Variants in PCGF3 observed in about 807,000 individuals in gnomAD.
PCGF3 encodes polycomb group RING finger protein 3.
PCGF3 carries 7 observed loss-of-function variants against 33.1 expected under a neutral mutation model. That is an observed-to-expected ratio of 0.21 (90% confidence interval 0.12 to 0.40). The LOEUF (loss-of-function observed/expected upper bound fraction) is 0.40, where lower values mean the gene tolerates loss of function less well. PCGF3 is among the 10% of genes least tolerant of loss of function. The pLI, the probability that PCGF3 is intolerant of heterozygous loss-of-function variation, is 1.00. For synonymous variants in PCGF3, 153 were observed against 121.3 expected (o/e 1.26, Z -1.72); for missense variants, 211 against 313.3 (o/e 0.67, Z 2.46).
At chr4:759,903 G>A (rs1280128373) in intron 8 of PCGF3, among the ~76,000 whole-genome samples, 1 of 139,044 alleles carries the variant, frequency 7.2e-6, no homozygotes, top group Non-Finnish European at 1.6e-5. Flanking sequence ...CTCCCCGCGC[G>A]GCCCCTCTCC....
chr4:756,087 G>C (rs553972266), intron 8 of PCGF3, among the ~76,000 whole-genome samples: 27 of 151,120 alleles, frequency 1.8e-4, no homozygotes, highest in Admixed American at 4.0e-4. Context: ...CTAATTTTTT[G>C]TATTTTTAGT....
chr4:710,312 C>T (rs1310979152), intron 1 of PCGF3, among the ~76,000 whole-genome samples: 11 of 152,192 alleles, frequency 7.2e-5, no homozygotes, highest in South Asian at 4.1e-4. Context: ...AGGGCAGCTC[C>T]GAGGGAGCCC....
At chr4:710,558 TTGC>T (rs1742520605) in intron 1 of PCGF3, among the ~76,000 whole-genome samples, 1 of 152,232 alleles carries the variant, frequency 6.6e-6, no homozygotes, top group South Asian at 2.1e-4. Context: ...AAATCAGCGA[TTGC>T]GTGTGGAGTG....
intron 1 of PCGF3, among the ~76,000 whole-genome samples, chr4:716,675 T>A (rs1742862336): frequency 1.5e-5 from 2 of 129,256 alleles, no homozygotes; most frequent in African/African-American, 6.1e-5. Context: ...TGGGACCCTG[T>A]AGACACTGTG....
chr4:767,875 T>C (rs1369617402), exon 11 of PCGF3: 4 of 152,672 alleles, frequency 2.6e-5, no homozygotes, highest in Admixed American at 2.6e-4. Flanking sequence ...AAAATACACA[T>C]ACTGCTGAAG....
chr4:761,177 G>A, intron 8 of PCGF3, 102 bp from the exon 9 acceptor site: 2 of 881,682 alleles, frequency 2.3e-6, no homozygotes, highest in South Asian at 2.7e-5. Context: ...AAAAAGGTCA[G>A]CAGTCCTAGA....
At chr4:718,478 A>G (rs963804552) in intron 1 of PCGF3, among the ~76,000 whole-genome samples, 1 of 152,170 alleles carries the variant, frequency 6.6e-6, no homozygotes, top group Non-Finnish European at 1.5e-5. Flanking sequence ...ATATTTGTAT[A>G]AACACTTAAT....
At chr4:758,363 C>A (rs1259686322) in intron 8 of PCGF3, among the ~76,000 whole-genome samples, 1 of 146,174 alleles carries the variant, frequency 6.8e-6, no homozygotes, top group Non-Finnish European at 1.5e-5. Context: ...AGGTCTTTCT[C>A]CCCTCGAGGC....
chr4:758,228 A>G (rs564975997), intron 8 of PCGF3, among the ~76,000 whole-genome samples: 5 of 143,928 alleles, frequency 3.5e-5, no homozygotes, highest in Non-Finnish European at 7.5e-5. Context: ...CCCTCCCTGC[A>G]CAAGCACCCC....
exon 11 of PCGF3, chr4:768,267 CACT>C (rs1745467686): frequency 6.5e-6 from 1 of 152,786 alleles, no homozygotes; most frequent in East Asian, 1.9e-4. Flanking sequence ...AGACAGTCTT[CACT>C]ACAGGACTCG....
intron 6 of PCGF3, among the ~76,000 whole-genome samples, chr4:739,545 CCTT>C (rs967108156): frequency 6.6e-6 from 1 of 152,318 alleles, no homozygotes; most frequent in East Asian, 1.9e-4. Flanking sequence ...TCACGGGCCT[CCTT>C]CTGGTTCCTG....
intron 8 of PCGF3, among the ~76,000 whole-genome samples, chr4:755,586 A>G (rs1744733320): frequency 6.6e-6 from 1 of 152,204 alleles, no homozygotes; most frequent in Non-Finnish European, 1.5e-5. Flanking sequence ...GAATCTTAAA[A>G]ATGTTTCCCC....
chr4:738,938 C>T (rs746686319), intron 6 of PCGF3, among the ~76,000 whole-genome samples: 6 of 152,134 alleles, frequency 3.9e-5, no homozygotes, highest in African/African-American at 9.7e-5. Flanking sequence ...GCAGGAACCT[C>T]GAGTTTTGTG....
At position 710,630 on chromosome 4, in the gene PCGF3, C is replaced by T. The variant is rs180706640; in HGVS notation, c.-190+4660C>T. Among the ~76,000 whole-genome samples, 66 of 152,216 alleles carry T rather than the reference C, an allele frequency of 4.3e-4. 1 individual carries two copies. Among genetic ancestry groups the T allele is most frequent in the African/African-American group, 1.3e-3 (56 of 41,534 alleles). Reference sequence around the variant, plus strand: ...TCTCTTTAATTGGTGTGGGTTTCTCCGATGTCACCGTCATGATTGAGATAT... The same window carrying T: ...TCTCTTTAATTGGTGTGGGTTTCTCTGATGTCACCGTCATGATTGAGATAT... On this transcript the variant is annotated intron_variant, in intron 1 of 10. Transcript: ENST00000362003.
At chr4:755,771 C>A (rs1230323429) in intron 8 of PCGF3, among the ~76,000 whole-genome samples, 1 of 152,022 alleles carries the variant, frequency 6.6e-6, no homozygotes, top group Admixed American at 6.5e-5. Context: ...CTGCTCTGTT[C>A]CGCTGGTCTC....
At chr4:734,606 A>C in intron 4 of PCGF3, 2 of 1,179,706 alleles carry the variant, frequency 1.7e-6, no homozygotes, top group Non-Finnish European at 2.1e-6. Context: ...AGTATTGTAA[A>C]ATTATCTGTT....
intron 1 of PCGF3, among the ~76,000 whole-genome samples, chr4:710,574 G>T (rs546768624): frequency 1.3e-5 from 2 of 152,246 alleles, no homozygotes; most frequent in East Asian, 3.8e-4. Context: ...GTGGAGTGAC[G>T]TGTTAAGATG....
At chr4:761,388 A>G in exon 9 of PCGF3, 1 of 1,611,216 alleles carries the variant, frequency 6.2e-7, no homozygotes. Context: ...TTCATCGCCA[A>G]AAAACTCAAC....
intron 8 of PCGF3, among the ~76,000 whole-genome samples, chr4:748,759 T>C (rs1164446430): frequency 1.3e-5 from 2 of 152,206 alleles, no homozygotes; most frequent in Admixed American, 6.5e-5. Flanking sequence ...GCGGCTCTCC[T>C]GGAACCACGC....
Sources: allele counts gnomAD v4.1 joint callset (sites outside exome capture counted in the v4.1 genomes callset), GRCh38; gene constraint gnomAD v4.1.1; transcripts MANE v1.5; gene names NCBI Gene and HGNC (gene_info 2026-07-23, HGNC 2026-07-21).